The following CTH variants were observed in gnomAD, a reference collection of about 807,000 sequenced individuals.
The protein encoded by CTH is cystathionine gamma-lyase, also known as cystathionase (cystathionine gamma-lyase).
A neutral mutation model predicts 50.6 loss-of-function variants in CTH; 41 were observed. The ratio of observed to expected loss-of-function variants is 0.81; its 90% confidence interval spans 0.63 to 1.05. CTH has a LOEUF of 1.05. CTH is among the 50% of genes least tolerant of loss of function. The pLI, the probability that CTH is intolerant of heterozygous loss-of-function variation, is 0.00. For synonymous variants in CTH, 156 were observed against 168.9 expected, an observed-to-expected ratio of 0.92 and a Z score of 0.59; for missense variants, 470 against 492.6, an observed-to-expected ratio of 0.95 and a Z score of 0.43.
intron 8 of CTH, among the ~76,000 whole-genome samples, chr1:70,433,411 T>G (rs1684523886): frequency 6.6e-6 from 1 of 152,190 alleles, no homozygotes; most frequent in African/African-American, 2.4e-5. Flanking sequence ...CAAGAAATTT[T>G]TATTAAACGC....
intron 9 of CTH, 60 bp from the exon 10 acceptor site, chr1:70,435,065 T>A: frequency 6.6e-7 from 1 of 1,506,756 alleles, no homozygotes; most frequent in Non-Finnish European, 9.0e-7. Context: ...AACATTTATT[T>A]TTAGATTTTA....
intron 10 of CTH, among the ~76,000 whole-genome samples, chr1:70,437,150 C>T (rs533372442): frequency 6.6e-6 from 1 of 152,158 alleles, no homozygotes; most frequent in Non-Finnish European, 1.5e-5. Flanking sequence ...CCCTAAATCT[C>T]AATTTCCTCA....
At chr1:70,429,415 T>C (rs1557470020) in intron 5 of CTH, among the ~76,000 whole-genome samples, 1 of 152,214 alleles carries the variant, frequency 6.6e-6, no homozygotes. Flanking sequence ...AATTGCTGAA[T>C]GTTCATTTCA....
rs1684423987 is a variant in CTH, at chr1:70,429,786, T to G, written c.589-8T>G. 1 of 1,608,794 alleles carries G rather than the reference T, an allele frequency of 6.2e-7. No homozygotes were observed. Among genetic ancestry groups the G allele is most frequent in the Non-Finnish European group, 8.5e-7 (1 of 1,175,600 alleles). On this transcript the variant is annotated splice_polypyrimidine_tract_variant and splice_region_variant and intron_variant, in intron 5 of 11. Coordinates refer to ENST00000370938, the MANE Select transcript of CTH (RefSeq NM_001902.6). ...TTCTCATTTAAAGTAAAAAACTTGT[T>G]CTTTCAGCGCCCTTTGGCTCTGGGA...
chr1:70,411,803 G>T (rs753157942), intron 1 of CTH: 6 of 626,326 alleles, frequency 9.6e-6, no homozygotes, highest in Non-Finnish European at 1.2e-5. Flanking sequence ...CGTTTGTCCA[G>T]CTTGCCATTT....
Position 70,424,365 on chromosome 1 carries a change from T to A in CTH, c.537T>A (p.His179Gln). Residue 179 changes from histidine to glutamine, a missense_variant, in exon 5 of 12, where the codon CAT (histidine) becomes CAA (glutamine). By Grantham distance (24) the His-to-Gln change is conservative (BLOSUM62 0). Transcript: ENST00000370938. ...GCTGTGCACATATTGTCCATAAGCA[T>A]GGAGACATTATTTTGGTCGTGGATA... is the stretch of plus-strand genomic sequence containing the variant. Reference protein sequence around the residue: ...IEGCAHIVHKHGDIILVVDNT... With the variant: ...IEGCAHIVHKQGDIILVVDNT... 1 of 1,614,166 alleles carries A rather than the reference T, an allele frequency of 6.2e-7. No individual in the cohort carries two copies. Among genetic ancestry groups the A allele is most frequent in the Admixed American group, 1.7e-5 (1 of 60,030 alleles).
intron 4 of CTH, among the ~76,000 whole-genome samples, chr1:70,422,126 T>C (rs1466173492): frequency 6.6e-6 from 1 of 152,148 alleles, no homozygotes; most frequent in Non-Finnish European, 1.5e-5. Context: ...GTAACAGAAG[T>C]CATCACAGAG....
intron 5 of CTH, among the ~76,000 whole-genome samples, chr1:70,426,958 A>G (rs1684359409): frequency 6.6e-6 from 1 of 152,166 alleles, no homozygotes; most frequent in Non-Finnish European, 1.5e-5. Flanking sequence ...TCACTAACAT[A>G]GGTCTAGTTT....
intron 10 of CTH, among the ~76,000 whole-genome samples, chr1:70,436,971 G>A (rs1019216453): frequency 5.9e-5 from 9 of 152,172 alleles, no homozygotes; most frequent in Non-Finnish European, 1.2e-4. Flanking sequence ...AGTGGATTTA[G>A]GTCAGGGCTT....
intron 1 of CTH, among the ~76,000 whole-genome samples, chr1:70,411,935 A>C (rs936459675): frequency 6.6e-6 from 1 of 152,244 alleles, no homozygotes; most frequent in Non-Finnish European, 1.5e-5. Flanking sequence ...TCAGCTTAAA[A>C]AATATTAAGG....
chr1:70,428,190 A>G lies in CTH; in HGVS notation c.589-1604A>G, dbSNP rs570101131. Among the ~76,000 whole-genome samples the G allele has an allele frequency of 1.4e-4, 21 of 152,284 alleles. No homozygotes were observed. The South Asian group carries it at 4.4e-3, about 32-fold the overall frequency. ...GGAATGTAAAAAATGTTGATCTCAT[A>G]GAAGTAGTGAATAGAACAGCGGTTA... On this transcript the variant is annotated intron_variant, in intron 5 of 11. Coordinates refer to ENST00000370938, the MANE Select transcript of CTH (RefSeq NM_001902.6).
chr1:70,439,344 G>A lies in CTH; in HGVS notation c.*217G>A. The A allele has an allele frequency of 3.5e-6, 2 of 564,404 alleles. No homozygotes were observed. The highest frequency in any genetic ancestry group is 2.9e-5 in the East Asian group (1 of 34,212). 35.0% of individuals were successfully genotyped at this position (564,404 alleles called of 1,614,324 possible). Reference sequence around the variant, plus strand: ...AGGTCAATTCTGTTAATATCTTTTTGTTAATTTTGCTCTATGTTTGCCTCT... The same window carrying A: ...AGGTCAATTCTGTTAATATCTTTTTATTAATTTTGCTCTATGTTTGCCTCT... On this transcript the variant is annotated 3_prime_UTR_variant, in exon 12 of 12. Transcript: ENST00000370938.
intron 10 of CTH, among the ~76,000 whole-genome samples, chr1:70,435,884 C>T (rs543838400): frequency 4.6e-5 from 7 of 152,124 alleles, no homozygotes; most frequent in South Asian, 2.1e-4. Context: ...GGAACGTGTT[C>T]GCAGCTTCAC....
At position 70,438,776 on chromosome 1, in the gene CTH, G is replaced by A. The variant is rs755173328; in HGVS notation, c.1141G>A (p.Glu381Lys). ...DTLIRLSVGL[E>K]DEEDLLEDLD... ...ACTGATTCGACTTTCTGTGGGCTTA[G>A]AGGATGAGGAAGACCTACTGGAAGA... is the stretch of plus-strand genomic sequence containing the variant. Residue 381 changes from glutamate (E) to lysine (K), a missense_variant, in exon 11 of 12, where the codon GAG becomes AAG. Coordinates refer to ENST00000370938, the MANE Select transcript of CTH (RefSeq NM_001902.6). 9.3e-6 allele frequency: 15 copies of A among 1,613,894 alleles called. No homozygotes were observed. Among genetic ancestry groups the A allele is most frequent in the Non-Finnish European group, 1.1e-5 (13 of 1,180,016 alleles).
At chr1:70,411,853 A>G (rs953151789) in intron 1 of CTH, among the ~76,000 whole-genome samples, 2 of 152,192 alleles carry the variant, frequency 1.3e-5, no homozygotes, top group African/African-American at 2.4e-5. Context: ...ACAAATTTGC[A>G]ATTAAAAATC....
At chr1:70,425,442 C>T (rs1397253762) in intron 5 of CTH, among the ~76,000 whole-genome samples, 2 of 152,212 alleles carry the variant, frequency 1.3e-5, no homozygotes, top group Non-Finnish European at 2.9e-5. Flanking sequence ...AGCCTTCTCG[C>T]TGTGTCCTCA....
chr1:70,418,707 C>G (rs1329981671), intron 3 of CTH, among the ~76,000 whole-genome samples: 1 of 152,178 alleles, frequency 6.6e-6, no homozygotes, highest in East Asian at 1.9e-4. Flanking sequence ...AAATACAACT[C>G]AGGTTACTCT....
chr1:70,432,103 C>T lies in CTH; in HGVS notation c.745C>T (p.Pro249Ser). The change falls in exon 8 of 12, where the codon CCT (proline) becomes TCT (serine). Residue 249 changes from proline to serine, a missense_variant. Physicochemically the swap from Pro to Ser is moderately conservative, Grantham distance 74. Coordinates refer to ENST00000370938, the MANE Select transcript of CTH (RefSeq NM_001902.6). ...TGCAGCTCTTGGAGCAGTTCCATCT[C>T]CTATTGATTGTTACCTCTGCAATCG... is the stretch of plus-strand genomic sequence containing the variant. ...LQNSLGAVPS[P>S]IDCYLCNRGL... 1 of 1,614,098 alleles carries T rather than the reference C, an allele frequency of 6.2e-7. No homozygotes were observed. Among genetic ancestry groups the T allele is most frequent in the Non-Finnish European group, 8.5e-7 (1 of 1,180,018 alleles).
intron 1 of CTH, 51 bp from the exon 2 acceptor site, chr1:70,415,905 C>T: frequency 1.0e-6 from 1 of 973,976 alleles, no homozygotes; most frequent in Non-Finnish European, 1.7e-6. Flanking sequence ...TGTTAGGACT[C>T]TGATAATAAA....
Sources: gnomAD v4.1 joint callset for allele counts (sites outside exome capture counted in the v4.1 genomes callset) on GRCh38, gnomAD v4.1.1 for gene constraint, MANE v1.5 for transcripts, NCBI Gene and HGNC (gene_info 2026-07-23, HGNC 2026-07-21) for gene names.